Variants in TMEM131L observed in about 807,000 individuals in gnomAD.
TMEM131L encodes transmembrane 131 like.
In TMEM131L, 54 loss-of-function variants were observed where a neutral mutation model predicts 192.2. The ratio of observed to expected loss-of-function variants is 0.28; its 90% CI spans 0.23 to 0.35. The LOEUF (loss-of-function observed/expected upper bound fraction) is 0.35. Among genes scored for constraint, TMEM131L ranks in the 10% least tolerant of loss-of-function variants. The pLI is 1.00. For synonymous variants in TMEM131L, 701 were observed against 704.9 expected, an observed-to-expected ratio of 0.99 and a Z score of 0.09; for missense variants, 1,888 against 1,972.9, an observed-to-expected ratio of 0.96 and a Z score of 0.82.
intron 13 of TMEM131L, 77 bp from the exon 14 acceptor site, chr4:153,586,128 ATGTT>A: frequency 9.7e-7 from 1 of 1,027,766 alleles, no homozygotes; most frequent in African/African-American, 1.7e-5. Flanking sequence ...GTATAGAAGA[ATGTT>A]AGCATCATAC....
At chr4:153,548,398 G>A (rs576453352) in intron 3 of TMEM131L, among the ~76,000 whole-genome samples, 3 of 152,216 alleles carry the variant, frequency 2.0e-5, no homozygotes, top group South Asian at 2.1e-4. Flanking sequence ...TCTGCGTCCC[G>A]GGTTCATGCT....
At chr4:153,581,342 T>C (rs1018225161) in intron 8 of TMEM131L, 65 bp from the exon 9 acceptor site, 16 of 1,343,086 alleles carry the variant, frequency 1.2e-5, no homozygotes, top group Non-Finnish European at 1.4e-5. Flanking sequence ...CTTTCCTCCA[T>C]AGTTTGAAAC....
chr4:153,576,853 C>G (rs548645295), intron 7 of TMEM131L, among the ~76,000 whole-genome samples: 1 of 152,184 alleles, frequency 6.6e-6, no homozygotes, highest in South Asian at 2.1e-4. Context: ...CTTCTCTTGC[C>G]CTTTTCAAGC....
At chr4:153,486,474 T>C (rs1217296230) in intron 3 of TMEM131L, among the ~76,000 whole-genome samples, 1 of 152,188 alleles carries the variant, frequency 6.6e-6, no homozygotes, top group Non-Finnish European at 1.5e-5. Context: ...AAAGAATGCA[T>C]GATGTCACTT....
At chr4:153,564,456 T>C (rs1490488015) in intron 7 of TMEM131L, among the ~76,000 whole-genome samples, 1 of 152,122 alleles carries the variant, frequency 6.6e-6, no homozygotes, top group East Asian at 1.9e-4. Context: ...GCAATAAATT[T>C]CTGTTGTTTA....
At chr4:153,569,658 T>C (rs1303387015) in intron 7 of TMEM131L, among the ~76,000 whole-genome samples, 2 of 152,166 alleles carry the variant, frequency 1.3e-5, no homozygotes, top group Non-Finnish European at 2.9e-5. Context: ...TGGTTCTGAG[T>C]GACTGTAGCC....
intron 3 of TMEM131L, among the ~76,000 whole-genome samples, chr4:153,504,419 A>G (rs1714672940): frequency 6.7e-6 from 1 of 150,046 alleles, no homozygotes; most frequent in Admixed American, 6.7e-5. Context: ...AGCTGGGATT[A>G]TAGGTGCGCA....
chr4:153,561,178 A>G (rs1728824484), intron 7 of TMEM131L, among the ~76,000 whole-genome samples: 1 of 152,178 alleles, frequency 6.6e-6, no homozygotes, highest in Admixed American at 6.5e-5. Flanking sequence ...CCATTTGTAT[A>G]TCGTCTTTGG....
At chr4:153,505,534 A>G (rs534169275) in intron 3 of TMEM131L, among the ~76,000 whole-genome samples, 1 of 152,164 alleles carries the variant, frequency 6.6e-6, no homozygotes, top group Non-Finnish European at 1.5e-5. Flanking sequence ...GATAAATGGG[A>G]TGAGGACTTG....
At chr4:153,570,197 G>A (rs931028938) in intron 7 of TMEM131L, among the ~76,000 whole-genome samples, 15 of 152,206 alleles carry the variant, frequency 9.9e-5, no homozygotes, top group African/African-American at 2.9e-4. Context: ...TTAATGAAAC[G>A]CACAAGAATA....
intron 3 of TMEM131L, among the ~76,000 whole-genome samples, chr4:153,517,214 TG>T (rs1312527292): frequency 1.3e-5 from 2 of 152,250 alleles, no homozygotes; most frequent in Non-Finnish European, 2.9e-5. Flanking sequence ...TGAAGTTGGT[TG>T]AAGTTTCCTT....
At chr4:153,516,078 T>G (rs1255575979) in intron 3 of TMEM131L, among the ~76,000 whole-genome samples, 1 of 152,148 alleles carries the variant, frequency 6.6e-6, no homozygotes, top group African/African-American at 2.4e-5. Context: ...TTTTTATTTT[T>G]GAGTCATGTA....
At chr4:153,563,773 T>G (rs946197220) in intron 7 of TMEM131L, among the ~76,000 whole-genome samples, 1 of 152,070 alleles carries the variant, frequency 6.6e-6, no homozygotes, top group Non-Finnish European at 1.5e-5. Context: ...GGCCTGGATG[T>G]GTGATTTTGT....
intron 25 of TMEM131L, among the ~76,000 whole-genome samples, chr4:153,609,041 G>A (rs1732435532): frequency 6.6e-6 from 1 of 152,038 alleles, no homozygotes; most frequent in African/African-American, 2.4e-5. Context: ...TTTAACTGTG[G>A]TACACTCTTA....
chr4:153,514,424 G>C (rs1030189072), intron 3 of TMEM131L, among the ~76,000 whole-genome samples: 15 of 152,314 alleles, frequency 9.8e-5, no homozygotes, highest in African/African-American at 3.6e-4. Context: ...ACAATGCATG[G>C]TGATGTAAAT....
intron 26 of TMEM131L, among the ~76,000 whole-genome samples, chr4:153,615,808 G>A (rs1379313195): frequency 6.6e-6 from 1 of 152,166 alleles, no homozygotes; most frequent in Non-Finnish European, 1.5e-5. Flanking sequence ...ATGGCCCTAA[G>A]GAATAATGGT....
At chr4:153,594,619 G>A (rs942135700) in intron 19 of TMEM131L, among the ~76,000 whole-genome samples, 2 of 152,144 alleles carry the variant, frequency 1.3e-5, no homozygotes, top group Admixed American at 6.5e-5. Flanking sequence ...ATATTTAAGC[G>A]CCTTGGGTAT....
chr4:153,476,827 A>G (rs1015962228), intron 3 of TMEM131L, among the ~76,000 whole-genome samples: 1 of 152,240 alleles, frequency 6.6e-6, no homozygotes, highest in Non-Finnish European at 1.5e-5. Flanking sequence ...AAAAATGGAT[A>G]ATGGTAGATA....
chr4:153,595,690 AAACTT>A (rs1320493107), intron 19 of TMEM131L, among the ~76,000 whole-genome samples: 2 of 150,794 alleles, frequency 1.3e-5, no homozygotes, highest in East Asian at 1.9e-4. Flanking sequence ...CTTGGATACT[AAACTT>A]AGAGCACAAG....
Sources: allele counts gnomAD v4.1 joint callset (sites outside exome capture counted in the v4.1 genomes callset), GRCh38; gene constraint gnomAD v4.1.1; transcripts MANE v1.5; gene names NCBI Gene and HGNC (gene_info 2026-07-23, HGNC 2026-07-21).